SORCS2: variants seen among roughly 807,000 people sequenced by gnomAD.
SORCS2 encodes sortilin related VPS10 domain containing receptor 2.
Under a neutral mutation model 141.6 loss-of-function variants are expected in SORCS2, and 100 were observed. The ratio of observed to expected loss-of-function variants is 0.71; its 90% CI spans 0.60 to 0.83. The LOEUF is 0.83. Ranked by LOEUF, SORCS2 falls within the 40% of genes least tolerant of loss-of-function variation. The pLI, the probability that SORCS2 is intolerant of heterozygous loss-of-function variation, is 0.00. For missense variants in SORCS2, 1,646 were observed against 1,560.2 expected (o/e 1.05, Z -0.93); for synonymous variants, 789 against 676.9 (o/e 1.17, Z -2.57).
At chr4:7,259,850 A>G (rs1329490565) in intron 1 of SORCS2, among the ~76,000 whole-genome samples, 1 of 152,222 alleles carries the variant, frequency 6.6e-6, no homozygotes, top group Non-Finnish European at 1.5e-5. Flanking sequence ...GATGAGGTGG[A>G]GGACTGGAGA....
intron 2 of SORCS2, among the ~76,000 whole-genome samples, chr4:7,494,111 G>A (rs1044542174): frequency 6.6e-6 from 1 of 152,208 alleles, no homozygotes; most frequent in Non-Finnish European, 1.5e-5. Context: ...ATGCACGTGA[G>A]TGTATTTCTA....
At chr4:7,296,401 T>C (rs1223008844) in intron 1 of SORCS2, among the ~76,000 whole-genome samples, 1 of 152,226 alleles carries the variant, frequency 6.6e-6, no homozygotes, top group Non-Finnish European at 1.5e-5. Context: ...CAGGAAGCTC[T>C]GCCTCCTCTC....
intron 1 of SORCS2, among the ~76,000 whole-genome samples, chr4:7,372,931 C>T (rs1722350773): frequency 6.6e-6 from 1 of 151,668 alleles, no homozygotes; most frequent in Non-Finnish European, 1.5e-5. Flanking sequence ...TGGTGCAACG[C>T]AGTCTTCCAT....
At chr4:7,674,887 A>G (rs1723017950) in intron 8 of SORCS2, among the ~76,000 whole-genome samples, 1 of 151,438 alleles carries the variant, frequency 6.6e-6, no homozygotes, top group Admixed American at 6.6e-5. Flanking sequence ...CATCCCAGCC[A>G]CAGCTACACC....
chr4:7,623,537 C>T (rs12500670), intron 3 of SORCS2, among the ~76,000 whole-genome samples: 16,227 of 152,058 alleles, frequency 0.11, 939 homozygotes, highest in Middle Eastern at 0.18. Context: ...AGGTAGGAGC[C>T]GGGGGCCTTC....
rs1443679434 is a variant in SORCS2 at position 7,733,374 on chromosome 4, T to C, written c.3161T>C (p.Leu1054Pro). 1.3e-6 allele frequency: 2 copies of C among 1,588,374 alleles called. No individual in the cohort carries two copies. The highest frequency in any genetic ancestry group is 1.7e-6 in the Non-Finnish European group (2 of 1,168,254). Residue 1054 changes from leucine (L) to proline (P), a missense_variant, in exon 24 of 27, where the codon CTG (leucine) becomes CCG (proline). Coordinates refer to ENST00000507866, the MANE Select transcript of SORCS2 (RefSeq NM_020777.3). ...AACGCACAGAAGATCAGCTTCCTCC[T>C]GCGAGGCGGAGTCCGGGTCCTGGTG... is the stretch of plus-strand genomic sequence containing the variant. ...VLNAQKISFL[L>P]RGGVRVLVAL...
At chr4:7,369,784 G>A (rs138617343) in intron 1 of SORCS2, among the ~76,000 whole-genome samples, 2 of 152,138 alleles carry the variant, frequency 1.3e-5, no homozygotes, top group African/African-American at 2.4e-5. Context: ...TTTCGTCAGC[G>A]CATCTTCAGC....
At chr4:7,471,975 A>G (rs1176785077) in intron 2 of SORCS2, among the ~76,000 whole-genome samples, 1 of 152,158 alleles carries the variant, frequency 6.6e-6, no homozygotes, top group Non-Finnish European at 1.5e-5. Context: ...CCCTCTGGAG[A>G]AAGGCCCAGG....
At chr4:7,218,379 C>T (rs932637908) in intron 1 of SORCS2, among the ~76,000 whole-genome samples, 5 of 152,156 alleles carry the variant, frequency 3.3e-5, no homozygotes, top group South Asian at 2.1e-4. Flanking sequence ...TTATTTTTAC[C>T]GTGGCAGAGA....
intron 3 of SORCS2, among the ~76,000 whole-genome samples, chr4:7,591,413 C>T (rs575535197): frequency 1.3e-5 from 2 of 152,266 alleles, no homozygotes; most frequent in South Asian, 2.1e-4. Context: ...CTACCCCCTG[C>T]GAGCTCCATC....
chr4:7,612,136 C>T lies in SORCS2; in HGVS notation c.649-26192C>T, dbSNP rs114563845. On this transcript the variant is annotated intron_variant, in intron 3 of 26. Coordinates refer to ENST00000507866, the MANE Select transcript of SORCS2 (RefSeq NM_020777.3). Reference sequence around the variant, plus strand: ...GCTGGAGGCTGACGGGCCGAGTTTCCGGAGCTCAGAAGGCTGGGGAGGTAA... The same window carrying T: ...GCTGGAGGCTGACGGGCCGAGTTTCTGGAGCTCAGAAGGCTGGGGAGGTAA... Among the ~76,000 whole-genome samples, 1,417 of 152,226 alleles carry T rather than the reference C, an allele frequency of 9.3e-3. 21 individuals carry two copies. Among genetic ancestry groups the T allele is most frequent in the African/African-American group, 0.032 (1,336 of 41,540 alleles).
At chr4:7,508,627 CG>C (rs1411683833) in intron 2 of SORCS2, among the ~76,000 whole-genome samples, 1 of 152,108 alleles carries the variant, frequency 6.6e-6, no homozygotes, top group Non-Finnish European at 1.5e-5. Flanking sequence ...CACGAGCCAC[CG>C]CGCCTGGACT....
At chr4:7,500,517 C>T (rs1443777613) in intron 2 of SORCS2, among the ~76,000 whole-genome samples, 1 of 152,050 alleles carries the variant, frequency 6.6e-6, no homozygotes, top group Non-Finnish European at 1.5e-5. Flanking sequence ...GAGGAGATAG[C>T]CAGTATTCAA....
chr4:7,476,208 G>GATACA (rs1340510006), intron 2 of SORCS2, among the ~76,000 whole-genome samples: 2 of 152,216 alleles, frequency 1.3e-5, no homozygotes, highest in African/African-American at 4.8e-5. Flanking sequence ...CTCAAGGAGA[G>GATACA]ATACAGATGG....
chr4:7,623,728 G>A (rs1448950832), intron 3 of SORCS2, among the ~76,000 whole-genome samples: 4 of 152,248 alleles, frequency 2.6e-5, no homozygotes, highest in East Asian at 1.9e-4. Context: ...TTCAGTGACC[G>A]AGCCCTTGCT....
intron 1 of SORCS2, among the ~76,000 whole-genome samples, chr4:7,295,313 C>A (rs1034792536): frequency 6.7e-6 from 1 of 150,184 alleles, no homozygotes; most frequent in Admixed American, 6.6e-5. Context: ...AGAAACATGG[C>A]GCAGGCCTGA....
In SORCS2 at chr4:7,338,656, CT is replaced by C. The variant is rs574736598; in HGVS notation, c.481-57631del. 7.3e-4 allele frequency among the ~76,000 whole-genome samples: 111 copies of C among 152,322 alleles called. 1 individual carries two copies. Among genetic ancestry groups the C allele is most frequent in the African/African-American group, 2.6e-3 (109 of 41,568 alleles). ...GCCCTCTCCAGCTTTGCCCACACCC[CT>C]GTCCCCATCCCTCAGCTAGGGCATA... On this transcript the variant is annotated intron_variant, in intron 1 of 26. Coordinates refer to ENST00000507866, the MANE Select transcript of SORCS2 (RefSeq NM_020777.3).
chr4:7,493,425 C>T (rs1731424477), intron 2 of SORCS2, among the ~76,000 whole-genome samples: 1 of 152,140 alleles, frequency 6.6e-6, no homozygotes, highest in African/African-American at 2.4e-5. Flanking sequence ...AGGCCTGGAT[C>T]CTACCGGATC....
chr4:7,388,794 C>T (rs1363208962), intron 1 of SORCS2, among the ~76,000 whole-genome samples: 1 of 152,212 alleles, frequency 6.6e-6, no homozygotes, highest in Non-Finnish European at 1.5e-5. Context: ...TCGTCCTTCC[C>T]ATCCACACAG....
Sources: allele counts gnomAD v4.1 joint callset (sites outside exome capture counted in the v4.1 genomes callset), GRCh38; gene constraint gnomAD v4.1.1; transcripts MANE v1.5; gene names NCBI Gene and HGNC (gene_info 2026-07-23, HGNC 2026-07-21).